The following SLC29A3 variants were observed in gnomAD, a reference collection of about 807,000 sequenced individuals.
The protein encoded by SLC29A3 is equilibrative nucleoside transporter 3.
Under a neutral mutation model 25.4 loss-of-function variants are expected in SLC29A3, and 18 were observed. That is an observed-to-expected ratio of 0.71 (90% confidence interval 0.49 to 1.05). The LOEUF (loss-of-function observed/expected upper bound fraction) is 1.05. Among genes scored for constraint, SLC29A3 ranks in the 50% least tolerant of loss-of-function variants. SLC29A3 has a pLI of 0.00. For missense variants in SLC29A3, 586 were observed against 609.0 expected (o/e 0.96, Z 0.40); for synonymous variants, 258 against 267.1 (o/e 0.97, Z 0.33).
chr10:71,362,612 G>C lies in SLC29A3; in HGVS notation c.*4G>C, dbSNP rs967125639. 1.2e-6 allele frequency: 2 copies of C among 1,614,154 alleles called. No individual in the cohort carries two copies. Among genetic ancestry groups the C allele is most frequent in the Non-Finnish European group, 1.7e-6 (2 of 1,180,050 alleles). On this transcript the variant is annotated 3_prime_UTR_variant, in exon 6 of 6. Coordinates refer to ENST00000373189, the MANE Select transcript of SLC29A3 (RefSeq NM_018344.6). ...CCTCCTGGTGCACCTCATCTAGAAG[G>C]GAGGACACAAGGACATTGGTGCTTC...
intron 4 of SLC29A3, among the ~76,000 whole-genome samples, chr10:71,379,286 C>T (rs1350780660): frequency 6.6e-6 from 1 of 152,204 alleles, no homozygotes; most frequent in African/African-American, 2.4e-5. Context: ...TTGTTTTGGA[C>T]TAAGTTTCTG....
chr10:71,325,156 C>G (rs1406286375), intron 2 of SLC29A3, among the ~76,000 whole-genome samples: 2 of 152,176 alleles, frequency 1.3e-5, no homozygotes. Flanking sequence ...GGAGGTGGCT[C>G]ATCACTGCTT....
chr10:71,377,819 C>T (rs1282697135), intron 4 of SLC29A3, among the ~76,000 whole-genome samples: 1 of 143,136 alleles, frequency 7.0e-6, no homozygotes, highest in Non-Finnish European at 1.5e-5. Context: ...TGGCTCTTTG[C>T]AAGGATTACT....
chr10:71,369,373 C>T (rs1847194087), intron 3 of SLC29A3, among the ~76,000 whole-genome samples: 1 of 152,124 alleles, frequency 6.6e-6, no homozygotes, highest in South Asian at 2.1e-4. Context: ...AGTGATGAAA[C>T]AAGATGTTTA....
At chr10:71,329,691 C>G (rs1028229877) in intron 2 of SLC29A3, among the ~76,000 whole-genome samples, 1 of 152,074 alleles carries the variant, frequency 6.6e-6, no homozygotes, top group African/African-American at 2.4e-5. Flanking sequence ...CCCAGGAGTT[C>G]GAGTTCAGAC....
chr10:71,323,835 G>C (rs1222215551), intron 2 of SLC29A3, among the ~76,000 whole-genome samples: 1 of 152,188 alleles, frequency 6.6e-6, no homozygotes, highest in Non-Finnish European at 1.5e-5. Flanking sequence ...CTGGGCAACG[G>C]CAGAATGGGA....
Position 71,331,099 on chromosome 10 carries a change from A to G in SLC29A3, c.300+8045A>G, listed in dbSNP as rs116021219. Among the ~76,000 whole-genome samples, 177 of 152,306 alleles carry G rather than the reference A, an allele frequency of 1.2e-3. 3 individuals are homozygous for G. The East Asian group carries it at 0.03, about 26-fold the overall frequency. ...CTCACCTGGCAAGATATTTGTGTCT[A>G]TAATGCAAACAACAGTTTCATGAAG... is the stretch of plus-strand genomic sequence containing the variant. On this transcript the variant is annotated intron_variant, in intron 2 of 5. Transcript: ENST00000373189.
intron 2 of SLC29A3, among the ~76,000 whole-genome samples, chr10:71,340,836 G>T (rs1564532300): frequency 6.6e-6 from 1 of 152,204 alleles, no homozygotes; most frequent in Non-Finnish European, 1.5e-5. Flanking sequence ...CTTCGCCGCT[G>T]GTTTCTTAGG....
chr10:71,349,601 ACCTCCCC>A (rs1846694966), intron 3 of SLC29A3, among the ~76,000 whole-genome samples: 2 of 151,510 alleles, frequency 1.3e-5, no homozygotes. Context: ...CTGGCTGACC[ACCTCCCC>A]AGGATGACTA....
chr10:71,380,274 G>A (rs74502748), exon 5 of SLC29A3: 2,640 of 152,306 alleles, frequency 0.017, 37 homozygotes, highest in African/African-American at 0.031. Flanking sequence ...TTCTCCCTGC[G>A]ATGTAGGAAT....
At chr10:71,323,559 A>ACATACATTGCTCTT (rs1309870573) in intron 2 of SLC29A3, among the ~76,000 whole-genome samples, 1 of 152,246 alleles carries the variant, frequency 6.6e-6, no homozygotes, top group Non-Finnish European at 1.5e-5. Context: ...CCTGGAAGTA[A>ACATACATTGCTCTT]CATACATTGC....
chr10:71,334,762 C>A (rs1186972121), intron 2 of SLC29A3, among the ~76,000 whole-genome samples: 1 of 152,290 alleles, frequency 6.6e-6, no homozygotes, highest in East Asian at 1.9e-4. Context: ...CAGCCTCCCC[C>A]CATCCCCATT....
intron 4 of SLC29A3, among the ~76,000 whole-genome samples, chr10:71,377,998 TG>T (rs1473716618): frequency 1.3e-5 from 2 of 149,150 alleles, no homozygotes; most frequent in Non-Finnish European, 3.0e-5. Context: ...AGTCAAACCG[TG>T]GACACTCATT....
chr10:71,356,262 G>A lies in SLC29A3; in HGVS notation c.773+19G>A, dbSNP rs1341943442. 1 of 1,611,598 alleles carries A rather than the reference G, an allele frequency of 6.2e-7. No individual in the cohort carries two copies. The highest frequency in any genetic ancestry group is 8.5e-7 in the Non-Finnish European group (1 of 1,179,916). On this transcript the variant is annotated intron_variant, in intron 5 of 5. Transcript: ENST00000373189. ...ATGCCAGGTGAAGGTGCCACTCACTGTCCATGCCTCCTTCCTGTGTATCCA... is the reference window on the plus strand; with the variant it reads ...ATGCCAGGTGAAGGTGCCACTCACTATCCATGCCTCCTTCCTGTGTATCCA...
At position 71,322,810 on chromosome 10, in the gene SLC29A3, C is replaced by CCA; in HGVS notation, c.59_60dup (p.Ser21GlnfsTer81). On this transcript the variant is annotated frameshift_variant, in exon 2 of 6. Coordinates refer to ENST00000373189, the MANE Select transcript of SLC29A3 (RefSeq NM_018344.6). LOFTEE classifies it high-confidence loss of function. ...CACAGTTCAAACTCCACCTACAGAACCACAAGCAGCAGTCTCCGAGCTGAC... is the reference window on the plus strand; with the variant it reads ...CACAGTTCAAACTCCACCTACAGAACCACACAAGCAGCAGTCTCCGAGCTGAC... 1.2e-6 allele frequency: 2 copies of CCA among 1,614,196 alleles called. No individual in the cohort carries two copies. Among genetic ancestry groups the CCA allele is most frequent in the Non-Finnish European group, 1.7e-6 (2 of 1,180,038 alleles).
exon 4 of SLC29A3, chr10:71,375,764 C>T (rs1408620091): frequency 6.6e-6 from 1 of 152,192 alleles, no homozygotes; most frequent in Non-Finnish European, 1.5e-5. Context: ...TTAGGAAGAA[C>T]ACAGACGGCT....
intron 5 of SLC29A3, among the ~76,000 whole-genome samples, chr10:71,356,445 T>C (rs1846914507): frequency 6.6e-6 from 1 of 152,222 alleles, no homozygotes; most frequent in South Asian, 2.1e-4. Context: ...AGTTTAATCA[T>C]GGTGAATAAT....
At position 71,322,889 on chromosome 10, in the gene SLC29A3, G is replaced by T. The variant is rs1468222601; in HGVS notation, c.135G>T (p.Arg45Ser). 6 of 1,614,114 alleles carry T rather than the reference G, an allele frequency of 3.7e-6. No individual in the cohort carries two copies. The African/African-American group carries it at 5.3e-5, about 14-fold the overall frequency. Reference sequence around the variant, plus strand: ...ACCGCCCGCCCCCTGGCCTGCAGAGGCCCGAGGACCGCTTCTGTGGCACAT... The same window carrying T: ...ACCGCCCGCCCCCTGGCCTGCAGAGTCCCGAGGACCGCTTCTGTGGCACAT... ...LLDRPPPGLQ[R>S]PEDRFCGTYI... Residue 45 changes from arginine (R) to serine (S), a missense_variant, in exon 2 of 6, where the codon AGG becomes AGT. Coordinates refer to ENST00000373189, the MANE Select transcript of SLC29A3 (RefSeq NM_018344.6).
chr10:71,362,927 G>A lies in SLC29A3; in HGVS notation c.*319G>A, dbSNP rs778759190. The A allele has an allele frequency of 1.0e-4, 55 of 540,246 alleles. No individual in the cohort carries two copies. Among genetic ancestry groups the A allele is most frequent in the African/African-American group, 1.9e-4 (10 of 53,392 alleles). The allele number at this position is 540,246 out of a possible 1,614,324, so 33.5% of individuals were successfully genotyped here. ...CCCTTCAAAGATGCTGCCAGTGTTC[G>A]CCCTAGAGTTATTACAAAGCCAGTG... On this transcript the variant is annotated 3_prime_UTR_variant, in exon 6 of 6. Coordinates refer to ENST00000373189, the MANE Select transcript of SLC29A3 (RefSeq NM_018344.6).
Sources: allele counts gnomAD v4.1 joint callset (sites outside exome capture counted in the v4.1 genomes callset), GRCh38; gene constraint gnomAD v4.1.1; transcripts MANE v1.5; gene names NCBI Gene and HGNC (gene_info 2026-07-23, HGNC 2026-07-21).